GFPT1: variants seen among roughly 807,000 people sequenced by gnomAD.
GFPT1 encodes glutamine--fructose-6-phosphate aminotransferase [isomerizing] 1.
In GFPT1, 40 loss-of-function variants were observed where a neutral mutation model predicts 92.0. The ratio of observed to expected loss-of-function variants is 0.43; its 90% CI spans 0.34 to 0.57. The LOEUF (loss-of-function observed/expected upper bound fraction) is 0.57, where lower values mean the gene tolerates loss of function less well. Among genes scored for constraint, GFPT1 ranks in the 20% least tolerant of loss-of-function variants. GFPT1 has a pLI of 0.02. For synonymous variants in GFPT1, 269 were observed against 280.6 expected, an observed-to-expected ratio of 0.96 and a Z score of 0.41; for missense variants, 448 against 869.1, an observed-to-expected ratio of 0.52 and a Z score of 6.09.
intron 5 of GFPT1, 44 bp downstream of exon 5, chr2:69,359,224 A>T: frequency 1.0e-6 from 1 of 985,952 alleles, no homozygotes; most frequent in Non-Finnish European, 1.6e-6. Flanking sequence ...CTCTCGTTAG[A>T]AGTATTCTCA....
At chr2:69,372,535 T>TGCACTCTC (rs1671776380) in intron 2 of GFPT1, among the ~76,000 whole-genome samples, 1 of 151,876 alleles carries the variant, frequency 6.6e-6, no homozygotes, top group Non-Finnish European at 1.5e-5. Flanking sequence ...ATCGCACCAT[T>TGCACTCTC]GCACTCCAGC....
rs934509446 is a variant in GFPT1 at position 69,323,611 on chromosome 2, A to G, written c.*2578T>C. ...CCTCCCAGGCTCAAGCGATCCTACT[A>G]CTTAAGCCTCCCAAGTTGCTGAGAC... On this transcript the variant is annotated 3_prime_UTR_variant, in exon 20 of 20. Transcript: ENST00000357308. 6.6e-6 allele frequency: 1 copy of G among 151,820 alleles called. No individual in the cohort carries two copies. The highest frequency in any genetic ancestry group is 6.6e-5 in the Admixed American group (1 of 15,236). 9.4% of individuals were successfully genotyped at this position (151,820 alleles called of 1,614,324 possible).
At chr2:69,338,395 T>A (rs2104616955) in intron 14 of GFPT1, 50 bp downstream of exon 14, 1 of 1,510,238 alleles carries the variant, frequency 6.6e-7, no homozygotes, top group East Asian at 2.3e-5. Context: ...ATGCTAGAAT[T>A]ATTAGAAAGA....
At chr2:69,342,295 T>A (rs1347292529) in intron 12 of GFPT1, 46 bp from the exon 13 acceptor site, 1 of 1,156,376 alleles carries the variant, frequency 8.6e-7, no homozygotes. Flanking sequence ...AAGAACCATG[T>A]GAACTAGGCA....
At chr2:69,370,438 C>T (rs1671718372) in intron 2 of GFPT1, among the ~76,000 whole-genome samples, 2 of 152,158 alleles carry the variant, frequency 1.3e-5, no homozygotes, top group African/African-American at 4.8e-5. Flanking sequence ...AAGATGGGCA[C>T]CCACCTCAGA....
At chr2:69,356,471 T>C in intron 7 of GFPT1, 25 bp downstream of exon 7, 2 of 1,499,222 alleles carry the variant, frequency 1.3e-6, no homozygotes, top group Non-Finnish European at 1.9e-6. Flanking sequence ...TGAAATACAT[T>C]AGTCATTGTT....
At chr2:69,351,160 T>G (rs6546503) in intron 9 of GFPT1, among the ~76,000 whole-genome samples, 99,054 of 152,004 alleles carry the variant, frequency 0.65, 33,554 homozygotes, top group African/African-American at 0.85. Flanking sequence ...GTTTTCTTAC[T>G]CTTCCTTTAA....
At position 69,371,349 on chromosome 2, in the gene GFPT1, G is replaced by T. The variant is rs1163141118; in HGVS notation, c.116-1241C>A. 9.9e-5 allele frequency: 15 copies of T among 151,574 alleles called. No homozygotes were observed. The South Asian group carries it at 2.5e-3, about 25-fold the overall frequency. 9.4% of individuals were successfully genotyped at this position (151,574 alleles called of 1,614,324 possible). A position where few individuals can be genotyped will look rare whatever the true frequency, so the allele number is the denominator to read the frequency against. On this transcript the variant is annotated intron_variant, in intron 2 of 19. Transcript: ENST00000357308. Reference sequence around the variant, plus strand: ...CCACCTCAGCCTCCCAAAGTGCTGGGATTACAGGCGTGAGTCACCACGCCC... The same window carrying T: ...CCACCTCAGCCTCCCAAAGTGCTGGTATTACAGGCGTGAGTCACCACGCCC...
intron 4 of GFPT1, among the ~76,000 whole-genome samples, chr2:69,361,381 G>GA (rs1185171718): frequency 1.4e-5 from 2 of 145,534 alleles, no homozygotes; most frequent in East Asian, 4.2e-4. Context: ...CCAGGAGGCA[G>GA]AGGTTGCAGT....
chr2:69,352,377 G>A (rs1671227868), intron 9 of GFPT1, among the ~76,000 whole-genome samples: 1 of 152,180 alleles, frequency 6.6e-6, no homozygotes, highest in East Asian at 1.9e-4. Flanking sequence ...CACTTTGGGA[G>A]GCCGAGGTGG....
chr2:69,362,651 C>G (rs1019382487), intron 4 of GFPT1, among the ~76,000 whole-genome samples: 4 of 151,494 alleles, frequency 2.6e-5, no homozygotes, highest in Middle Eastern at 3.2e-3. Flanking sequence ...CAAAAAATTA[C>G]CCGGGTGTAG....
At chr2:69,337,725 T>C (rs985639323) in intron 15 of GFPT1, among the ~76,000 whole-genome samples, 173 bp downstream of exon 15, 3 of 152,224 alleles carry the variant, frequency 2.0e-5, no homozygotes, top group Admixed American at 2.0e-4. Flanking sequence ...CCTAAAGTCC[T>C]ACAATAATTA....
In GFPT1 at chr2:69,344,662, T is replaced by A. The variant is rs144440809; in HGVS notation, c.1105+1242A>T. Among the ~76,000 whole-genome samples the A allele has an allele frequency of 4.2e-3, 638 of 152,082 alleles. 4 individuals carry two copies. The highest frequency in any genetic ancestry group is 0.014 in the African/African-American group (577 of 41,480). On this transcript the variant is annotated intron_variant, in intron 12 of 19. Transcript: ENST00000357308. The stretch of plus-strand genomic sequence containing the variant: ...GATATAAGTACTCTTTTTTATTTTT[T>A]TTTTTTGAGACAGGTCTTTCAACCA...
chr2:69,363,562 C>T lies in GFPT1; in HGVS notation c.332G>A (p.Arg111His), dbSNP rs189717232. The stretch of plus-strand genomic sequence containing the variant: ...TTCCATACCATTATTTTTATCAGAG[C>T]GCTGGGGGTGGCTATTGACAGGACT... Reference protein sequence around the residue: ...EPSPVNSHPQRSDKNNEFIVI... With the variant: ...EPSPVNSHPQHSDKNNEFIVI... The change falls in exon 4 of 20, where the codon CGC becomes CAC. Residue 111 changes from arginine to histidine, a missense_variant. Around this residue, in one of 7 missense-constraint regions of GFPT1, gnomAD observed 118 missense variants for 192.9 expected, o/e 0.61. Transcript: ENST00000357308. The T allele has an allele frequency of 2.2e-5, 36 of 1,614,010 alleles. No individual in the cohort carries two copies. Among genetic ancestry groups the T allele is most frequent in the East Asian group, 4.5e-5 (2 of 44,884 alleles).
intron 1 of GFPT1, among the ~76,000 whole-genome samples, chr2:69,379,184 G>A (rs2104697937): frequency 6.6e-6 from 1 of 152,244 alleles, no homozygotes; most frequent in Non-Finnish European, 1.5e-5. Flanking sequence ...CCCTTTCTCA[G>A]AGATAACTAC....
At chr2:69,375,721 C>T (rs1298251562) in intron 1 of GFPT1, among the ~76,000 whole-genome samples, 1 of 152,178 alleles carries the variant, frequency 6.6e-6, no homozygotes, top group African/African-American at 2.4e-5. Context: ...CACCACCACC[C>T]TGTAAGGGAG....
intron 7 of GFPT1, among the ~76,000 whole-genome samples, chr2:69,355,475 T>C (rs2104649998): frequency 6.6e-6 from 1 of 152,290 alleles, no homozygotes; most frequent in South Asian, 2.1e-4. Context: ...ATGCCCATTC[T>C]TTTACTTATT....
intron 2 of GFPT1, among the ~76,000 whole-genome samples, chr2:69,371,076 CT>C (rs1156764424): frequency 1.6e-3 from 210 of 127,722 alleles, no homozygotes; most frequent in African/African-American, 2.4e-3. Flanking sequence ...CTTTTCTTTT[CT>C]TTTTTTTTTT....
At position 69,326,976 on chromosome 2, in the gene GFPT1, T is replaced by C; in HGVS notation, c.1993A>G (p.Ile665Val). The C allele has an allele frequency of 1.2e-6, 2 of 1,614,242 alleles. No homozygotes were observed. Among genetic ancestry groups the C allele is most frequent in the South Asian group, 1.1e-5 (1 of 91,088 alleles). The change falls in exon 19 of 20, where the codon ATT (isoleucine) becomes GTT (valine). Residue 665 changes from isoleucine (I) to valine (V), a missense_variant. This residue lies in a region of GFPT1 where 55 missense variants were observed against 98.8 expected (regional missense o/e 0.56). Coordinates refer to ENST00000357308, the MANE Select transcript of GFPT1 (RefSeq NM_001244710.2). ...VPHSVDCLQG[I>V]LSVIPLQLLA... Reference sequence around the variant, plus strand: ...AACTGTAAAGGGATCACGCTGAGAATGCCCTGCAAGCAGTCCACTGAGTGG... The same window carrying C: ...AACTGTAAAGGGATCACGCTGAGAACGCCCTGCAAGCAGTCCACTGAGTGG...
Sources: allele counts gnomAD v4.1 joint callset (sites outside exome capture counted in the v4.1 genomes callset), GRCh38; gene constraint gnomAD v4.1.1; regional missense constraint gnomAD v4.1.1; transcripts MANE v1.5; gene names NCBI Gene and HGNC (gene_info 2026-07-23, HGNC 2026-07-21).